PARD6G: variants seen among roughly 807,000 people sequenced by gnomAD.
PARD6G encodes the protein par-6 family cell polarity regulator gamma.
A neutral mutation model predicts 10.7 loss-of-function variants in PARD6G; 7 were observed. The ratio of observed to expected loss-of-function variants is 0.66; its 90% confidence interval spans 0.37 to 1.23. The LOEUF is 1.23. Ranked by LOEUF, PARD6G falls within the 50% of genes most tolerant of loss-of-function variation. PARD6G has a pLI of 0.02. For missense variants in PARD6G, 548 were observed against 571.8 expected, an observed-to-expected ratio of 0.96 and a Z score of 0.42; for synonymous variants, 287 against 269.4, an observed-to-expected ratio of 1.07 and a Z score of -0.64.
At position 80,200,789 on chromosome 18, in the gene PARD6G, C is replaced by T. The variant is rs958672603; in HGVS notation, c.295+1921G>A. ...TCCGAGCTGCTGCTGGAGGTTAGCA[C>T]GTTCCCATGGGCAACACACAAGCCC... On this transcript the variant is annotated intron_variant, in intron 2 of 2. Coordinates refer to ENST00000353265, the MANE Select transcript of PARD6G (RefSeq NM_032510.4). This position sits in a 1 kb window ranked among gnomAD's most constrained non-coding sequence, Gnocchi z 4.4. Among the ~76,000 whole-genome samples, 9 of 152,186 alleles carry T rather than the reference C, an allele frequency of 5.9e-5. No homozygotes were observed. The highest frequency in any genetic ancestry group is 1.4e-4 in the African/African-American group (6 of 41,434).
intron 1 of PARD6G, among the ~76,000 whole-genome samples, chr18:80,206,827 C>T (rs182617239): frequency 6.6e-6 from 1 of 152,262 alleles, no homozygotes; most frequent in Admixed American, 6.5e-5. Context: ...TCAATAAATA[C>T]TTAACAGTAA....
In PARD6G at chr18:80,185,633, C is replaced by T. The variant is rs929751423; in HGVS notation, c.295+17077G>A. Among the ~76,000 whole-genome samples, 3 of 151,674 alleles carry T rather than the reference C, an allele frequency of 2.0e-5. No individual in the cohort carries two copies. In the South Asian group the frequency reaches 6.2e-4, roughly 32 times the overall value. On this transcript the variant is annotated intron_variant, in intron 2 of 2. Transcript: ENST00000353265. ...GCTCCCACACCCACACACACATGCA[C>T]CCTCACACACGCATATACCCTCATA...
chr18:80,199,894 C>G (rs546236253), intron 2 of PARD6G, among the ~76,000 whole-genome samples: 2 of 152,334 alleles, frequency 1.3e-5, no homozygotes, highest in East Asian at 3.9e-4. Flanking sequence ...ATCCACCCGC[C>G]TCGGCCTCCC....
intron 2 of PARD6G, among the ~76,000 whole-genome samples, chr18:80,174,181 C>T (rs990853299): frequency 2.0e-5 from 3 of 152,204 alleles, no homozygotes; most frequent in Non-Finnish European, 2.9e-5. Flanking sequence ...CCTGTTCTTT[C>T]CAGGCCCTGT....
rs1419033283 is a variant in PARD6G at position 80,200,631 on chromosome 18, C to T, written c.295+2079G>A. ...TGCTGGCGACACGCTCACGCTATAA[C>T]CACGAGAGACTGAGAAACCCTGAGC... On this transcript the variant is annotated intron_variant, in intron 2 of 2. Transcript: ENST00000353265. This position sits in a 1 kb window ranked among gnomAD's most constrained non-coding sequence, Gnocchi z 4.4. Among the ~76,000 whole-genome samples the T allele has an allele frequency of 6.6e-6, 1 of 152,172 alleles. No homozygotes were observed. The highest frequency in any genetic ancestry group is 1.5e-5 in the Non-Finnish European group (1 of 68,040).
At chr18:80,220,813 G>A (rs1454306031) in intron 1 of PARD6G, among the ~76,000 whole-genome samples, 2 of 152,024 alleles carry the variant, frequency 1.3e-5, no homozygotes, top group Non-Finnish European at 2.9e-5. Flanking sequence ...GTTTCACCAT[G>A]TTGTCCAGGC....
intron 1 of PARD6G, among the ~76,000 whole-genome samples, chr18:80,204,077 C>A (rs893760999): frequency 6.6e-6 from 1 of 152,262 alleles, no homozygotes; most frequent in Middle Eastern, 3.4e-3. Context: ...CAAGAGAGGA[C>A]CCCAGGGGGA....
At chr18:80,197,610 C>A (rs1259037245) in intron 2 of PARD6G, 2 of 152,214 alleles carry the variant, frequency 1.3e-5, no homozygotes, top group Non-Finnish European at 2.9e-5. Context: ...TACTAAGACA[C>A]CCTACCAAGT....
chr18:80,177,218 G>A lies in PARD6G; in HGVS notation c.296-16612C>T, dbSNP rs114931901. On this transcript the variant is annotated intron_variant, in intron 2 of 2. Transcript: ENST00000353265. The stretch of plus-strand genomic sequence containing the variant: ...ATAAATCACAGCCTAAATGGGAAGC[G>A]CACACACACACACACACACACACAC... 1.5e-3 allele frequency among the ~76,000 whole-genome samples: 146 copies of A among 98,874 alleles called. 1 individual carries two copies. The highest frequency in any genetic ancestry group is 4.4e-3 in the African/African-American group (95 of 21,800). 64.9% of individuals were successfully genotyped at this position (98,874 alleles called of 152,430 possible). A position where few individuals can be genotyped will look rare whatever the true frequency, so the allele number is the denominator to read the frequency against.
chr18:80,173,340 C>T (rs908487575), intron 2 of PARD6G, among the ~76,000 whole-genome samples: 7 of 152,220 alleles, frequency 4.6e-5, no homozygotes, highest in Non-Finnish European at 5.9e-5. Context: ...AAGGGGCAAA[C>T]GCGGCCGTGC....
rs544932808 is a variant in PARD6G at position 80,223,959 on chromosome 18, T to C, written c.73-21027A>G. On this transcript the variant is annotated intron_variant, in intron 1 of 2. Coordinates refer to ENST00000353265, the MANE Select transcript of PARD6G (RefSeq NM_032510.4). ...TCCAACCCAGCTGGCAGGGCTGGCTTTTCCAGTTAAAATGGACCCAACAGT... is the reference window on the plus strand; with the variant it reads ...TCCAACCCAGCTGGCAGGGCTGGCTCTTCCAGTTAAAATGGACCCAACAGT... Among the ~76,000 whole-genome samples the C allele has an allele frequency of 6.2e-4, 95 of 152,274 alleles. 1 individual carries two copies. The highest frequency in any genetic ancestry group is 2.1e-3 in the African/African-American group (88 of 41,548).
intron 2 of PARD6G, among the ~76,000 whole-genome samples, chr18:80,163,037 G>A (rs574755429): frequency 2.0e-5 from 3 of 152,338 alleles, no homozygotes; most frequent in Non-Finnish European, 4.4e-5. Context: ...GTGTGGCAGT[G>A]TCCGAGGCAC....
chr18:80,195,570 T>TATATATATATATATATATATATAC (rs1966946840), intron 2 of PARD6G, among the ~76,000 whole-genome samples: 2 of 88,648 alleles, frequency 2.3e-5, no homozygotes, highest in African/African-American at 1.3e-4. Context: ...TATATATATA[T>TATATATATATATATATATATATAC]ATACACACAT....
At chr18:80,197,710 T>C (rs1480453676) in intron 2 of PARD6G, 2 of 152,176 alleles carry the variant, frequency 1.3e-5, no homozygotes, top group Non-Finnish European at 2.9e-5. Flanking sequence ...GAAAAGTTAC[T>C]GTTTGCACTT....
At chr18:80,206,421 C>T (rs1386464529) in intron 1 of PARD6G, among the ~76,000 whole-genome samples, 1 of 152,230 alleles carries the variant, frequency 6.6e-6, no homozygotes, top group African/African-American at 2.4e-5. Context: ...TTGTCACATA[C>T]TTCTTGGTAA....
chr18:80,247,266 G>C lies in PARD6G; in HGVS notation c.72+11C>G. 3 of 1,570,492 alleles carry C rather than the reference G, an allele frequency of 1.9e-6. No individual in the cohort carries two copies. Among genetic ancestry groups the C allele is most frequent in the Non-Finnish European group, 2.6e-6 (3 of 1,158,298 alleles). On this transcript the variant is annotated intron_variant, in intron 1 of 2. Coordinates refer to ENST00000353265, the MANE Select transcript of PARD6G (RefSeq NM_032510.4). The surrounding 1 kb of genome is among the most constrained non-coding windows in gnomAD (Gnocchi z 4.2). ...TGGGCGCAGGGCCGCCGGGGCGGGCGGGGGGCTTACCTTGCTCTTGACTTC... is the reference window on the plus strand; with the variant it reads ...TGGGCGCAGGGCCGCCGGGGCGGGCCGGGGGCTTACCTTGCTCTTGACTTC...
Position 80,175,978 on chromosome 18 carries a change from G to C in PARD6G, c.296-15372C>G, listed in dbSNP as rs547595669. On this transcript the variant is annotated intron_variant, in intron 2 of 2. Transcript: ENST00000353265. The surrounding 1 kb of genome is among the most constrained non-coding windows in gnomAD (Gnocchi z 6.7). ...TGTCATGCTGGTAAGAGTGTGGCAAGTTCTGAGGGGCTTCCTGAGGAGGTG... is the reference window on the plus strand; with the variant it reads ...TGTCATGCTGGTAAGAGTGTGGCAACTTCTGAGGGGCTTCCTGAGGAGGTG... 6.0e-6 allele frequency: 1 copy of C among 167,506 alleles called. No homozygotes were observed. The highest frequency in any genetic ancestry group is 1.5e-5 in the Non-Finnish European group (1 of 68,264). 10.4% of individuals were successfully genotyped at this position (167,506 alleles called of 1,614,324 possible).
rs1004737331 is a variant in PARD6G at position 80,158,256 on chromosome 18, A to C, written c.*1515T>G. 5.2e-5 allele frequency: 8 copies of C among 152,386 alleles called. No individual in the cohort carries two copies. Among genetic ancestry groups the C allele is most frequent in the Middle Eastern group, 3.4e-3 (1 of 294 alleles). The allele number at this position is 152,386 out of a possible 1,614,324, so 9.4% of individuals were successfully genotyped here. ...GACCATTCTAGAAATGAAAATTAGC[A>C]TGTATTGTGACTTACTAAAAGAAAC... On this transcript the variant is annotated 3_prime_UTR_variant, in exon 3 of 3. Transcript: ENST00000353265.
At chr18:80,230,767 A>C (rs902855597) in intron 1 of PARD6G, among the ~76,000 whole-genome samples, 3 of 152,140 alleles carry the variant, frequency 2.0e-5, no homozygotes, top group African/African-American at 7.2e-5. Context: ...GAGGACACAG[A>C]GGTCTATGAA....
Sources: allele counts gnomAD v4.1 joint callset (sites outside exome capture counted in the v4.1 genomes callset), GRCh38; gene constraint gnomAD v4.1.1; non-coding constraint Gnocchi (gnomAD v3.1); transcripts MANE v1.5; gene names NCBI Gene and HGNC (gene_info 2026-07-23, HGNC 2026-07-21).